Variants in DMD observed in about 807,000 individuals in gnomAD.
The protein encoded by DMD is dystrophin.
DMD carries 63 observed loss-of-function variants against 330.1 expected under a neutral mutation model. That is an observed-to-expected ratio of 0.19 (90% CI 0.16 to 0.24). The LOEUF (loss-of-function observed/expected upper bound fraction) is 0.24. Ranked by LOEUF, DMD falls within the 10% of genes least tolerant of loss-of-function variation. DMD has a pLI of 1.00. For missense variants in DMD, 3,344 were observed against 2,684.1 expected, an observed-to-expected ratio of 1.25 and a Z score of -5.43; for synonymous variants, 1,223 against 959.8, an observed-to-expected ratio of 1.27 and a Z score of -5.07.
intron 51 of DMD, among the ~76,000 whole-genome samples, chrX:31,762,797 GAA>G (rs34158869): frequency 1.9e-5 from 2 of 106,878 alleles, no homozygotes; most frequent in Admixed American, 1.0e-4. Context: ...GAGTAAACTG[GAA>G]AAAAAAAATC....
chrX:32,622,478 C>A (rs1385185825), intron 11 of DMD, among the ~76,000 whole-genome samples: 1 of 111,445 alleles, frequency 9.0e-6, no homozygotes, highest in Admixed American at 9.6e-5. Context: ...GAAATTTTTG[C>A]CAGTAGTTAA....
intron 1 of DMD, among the ~76,000 whole-genome samples, chrX:33,121,253 C>T (rs1465255698): frequency 2.7e-4 from 28 of 104,216 alleles, no homozygotes; most frequent in African/African-American, 9.6e-4. Flanking sequence ...TTTATTGAGA[C>T]GGAGTCTTCC....
At chrX:32,867,900 C>A (rs912393996) in intron 2 of DMD, among the ~76,000 whole-genome samples, 1 of 111,092 alleles carries the variant, frequency 9.0e-6, no homozygotes, top group Non-Finnish European at 1.9e-5. Context: ...TAAGCAAAAA[C>A]TTAAAGTTAC....
At chrX:31,523,389 T>C (rs948083810) in intron 55 of DMD, among the ~76,000 whole-genome samples, 4 of 111,317 alleles carry the variant, frequency 3.6e-5, no homozygotes, top group African/African-American at 1.3e-4. Flanking sequence ...CAACGTATCC[T>C]TCCAGTACCA....
chrX:32,604,544 T>A (rs1191411563), intron 12 of DMD, among the ~76,000 whole-genome samples: 1 of 109,745 alleles, frequency 9.1e-6, no homozygotes, highest in African/African-American at 3.3e-5. Context: ...GTACTGGAAG[T>A]CCTAGCTAGA....
At chrX:32,806,386 A>G (rs1435285043) in intron 7 of DMD, among the ~76,000 whole-genome samples, 1 of 112,246 alleles carries the variant, frequency 8.9e-6, no homozygotes, top group African/African-American at 3.2e-5. Context: ...GATCAATGCA[A>G]TAAGAAGTCC....
intron 42 of DMD, among the ~76,000 whole-genome samples, chrX:32,292,690 G>C (rs138806175): frequency 9.0e-6 from 1 of 111,637 alleles, no homozygotes. Flanking sequence ...TCCAGATGAC[G>C]GGCTCTGAAG....
chrX:33,054,710 A>T (rs768416005), intron 1 of DMD, among the ~76,000 whole-genome samples: 2 of 112,004 alleles, frequency 1.8e-5, no homozygotes, highest in Non-Finnish European at 3.8e-5. Flanking sequence ...GGGTGGGGGA[A>T]ATTGAACATC....
At chrX:32,279,586 A>T (rs2097405070) in intron 43 of DMD, among the ~76,000 whole-genome samples, 1 of 105,708 alleles carries the variant, frequency 9.5e-6, no homozygotes, top group African/African-American at 3.4e-5. Flanking sequence ...ACACGTTCTC[A>T]TTTATTTGTG....
chrX:33,246,528 T>C (rs1020793116), intron 1 of DMD, among the ~76,000 whole-genome samples: 1 of 111,869 alleles, frequency 8.9e-6, no homozygotes, highest in African/African-American at 3.3e-5. Flanking sequence ...TGAATTCTGT[T>C]ACTTGACAAT....
In DMD at chrX:33,200,677, A is replaced by C. The variant is rs373231439; in HGVS notation, c.31+10605T>G. ...GTCATTATAGCAGTAAGTTATAAAA[A>C]CAATGTATATTTGTATATTTAATAT... is the stretch of plus-strand genomic sequence containing the variant. On this transcript the variant is annotated intron_variant, in intron 1 of 78. Transcript: ENST00000357033. Among the ~76,000 whole-genome samples, 33 of 111,160 alleles carry C rather than the reference A, an allele frequency of 3.0e-4. No individual in the cohort carries two copies. In the South Asian group the frequency reaches 3.4e-3, roughly 11 times the overall value.
intron 1 of DMD, among the ~76,000 whole-genome samples, chrX:33,069,146 G>A (rs1200702163): frequency 1.8e-5 from 2 of 111,533 alleles, no homozygotes; most frequent in Non-Finnish European, 3.8e-5. Context: ...CACATTGCTT[G>A]GAAAAGCAAG....
chrX:32,278,358 A>G (rs982340403), intron 43 of DMD, among the ~76,000 whole-genome samples: 2 of 111,479 alleles, frequency 1.8e-5, no homozygotes, highest in African/African-American at 3.3e-5. Context: ...CGATGGCTGC[A>G]CTGCTGAACT....
intron 1 of DMD, among the ~76,000 whole-genome samples, chrX:33,177,142 G>A (rs1050058617): frequency 9.0e-6 from 1 of 111,118 alleles, no homozygotes; most frequent in Admixed American, 9.6e-5. Flanking sequence ...ACTTTCAGTC[G>A]TTGGTTGCAA....
chrX:33,277,932 T>C (rs2053262257), intron 1 of DMD, among the ~76,000 whole-genome samples: 1 of 110,577 alleles, frequency 9.0e-6, no homozygotes, highest in African/African-American at 3.3e-5. Flanking sequence ...TGAGACCCTG[T>C]CTACACAAAA....
At chrX:31,494,801 G>C (rs1488145481) in intron 57 of DMD, among the ~76,000 whole-genome samples, 3 of 112,007 alleles carry the variant, frequency 2.7e-5, no homozygotes, top group African/African-American at 9.7e-5. Flanking sequence ...ATAGCAATCA[G>C]AATCCATCTT....
At chrX:32,605,246 C>T (rs1344717530) in intron 12 of DMD, among the ~76,000 whole-genome samples, 1 of 110,095 alleles carries the variant, frequency 9.1e-6, no homozygotes, top group African/African-American at 3.3e-5. Context: ...GATATAAAAC[C>T]ACATATCTAT....
chrX:31,415,556 C>A (rs1751453592), intron 60 of DMD, among the ~76,000 whole-genome samples: 1 of 111,902 alleles, frequency 8.9e-6, no homozygotes, highest in African/African-American at 3.2e-5. Context: ...TGCTTCTAAT[C>A]AAGAGTCTGG....
chrX:31,932,148 T>TATC lies in DMD; in HGVS notation c.6691_6693dup (p.Asp2231dup), dbSNP rs1435429369. On this transcript the variant is annotated inframe_insertion, in exon 46 of 79. Transcript: ENST00000357033. ...GGTTCAAGTGGGATACTAGCAATGT[T>TATC]ATCTGCTTCCTCCAACCATAAAACA... 1 of 1,201,080 alleles carries TATC rather than the reference T, an allele frequency of 8.3e-7. No individual in the cohort carries two copies. Among genetic ancestry groups the TATC allele is most frequent in the Non-Finnish European group, 1.1e-6 (1 of 885,681 alleles).
Sources: allele counts gnomAD v4.1 joint callset (sites outside exome capture counted in the v4.1 genomes callset), GRCh38; gene constraint gnomAD v4.1.1; transcripts MANE v1.5; gene names NCBI Gene and HGNC (gene_info 2026-07-23, HGNC 2026-07-21).